Variants in ADAMTS16 observed in about 807,000 individuals in gnomAD.
ADAMTS16 encodes ADAM metallopeptidase with thrombospondin type 1 motif 16, also known as A disintegrin and metalloproteinase with thrombospondin motifs 16.
In ADAMTS16, 94 loss-of-function variants were observed where a neutral mutation model predicts 145.8. The observed-to-expected ratio is 0.64, with a 90% CI of 0.55 to 0.77. ADAMTS16 has a LOEUF of 0.77. Among genes scored for constraint, ADAMTS16 ranks in the 30% least tolerant of loss-of-function variants. The probability of loss-of-function intolerance (pLI) is 0.00; values close to 1 mark genes in which losing one functional copy is unlikely to be tolerated. For synonymous variants in ADAMTS16, 659 were observed against 604.3 expected, an observed-to-expected ratio of 1.09 and a Z score of -1.33; for missense variants, 1,585 against 1,591.5, an observed-to-expected ratio of 1.00 and a Z score of 0.07.
chr5:5,240,683 A>ATCCTCT (rs1477425886), intron 16 of ADAMTS16, among the ~76,000 whole-genome samples: 1 of 152,070 alleles, frequency 6.6e-6, no homozygotes, highest in Non-Finnish European at 1.5e-5. Context: ...GCCCTATCCC[A>ATCCTCT]TCCTCTTGCG....
At chr5:5,299,939 A>G (rs1447944744) in intron 18 of ADAMTS16, among the ~76,000 whole-genome samples, 1 of 152,244 alleles carries the variant, frequency 6.6e-6, no homozygotes, top group Non-Finnish European at 1.5e-5. Context: ...TGACTCATTC[A>G]TGAGCTGAAA....
rs1309464132 is a variant in ADAMTS16 at position 5,317,696 on chromosome 5, C to A, written c.3412-438C>A. Among the ~76,000 whole-genome samples the A allele has an allele frequency of 2.6e-5, 4 of 152,178 alleles. No homozygotes were observed. Among genetic ancestry groups the A allele is most frequent in the Non-Finnish European group, 5.9e-5 (4 of 68,046 alleles). On this transcript the variant is annotated intron_variant, in intron 21 of 22. Coordinates refer to ENST00000274181, the MANE Select transcript of ADAMTS16 (RefSeq NM_139056.4). The surrounding 1 kb of genome is among the most constrained non-coding windows in gnomAD (Gnocchi z 4.5). ...TACAGGCATGAGCCACCGTGCCCGG[C>A]AGTATATTTACTTTTTTAAAAAGTG...
intron 9 of ADAMTS16, among the ~76,000 whole-genome samples, chr5:5,205,088 A>G (rs1736058928): frequency 7.0e-6 from 1 of 143,870 alleles, no homozygotes; most frequent in South Asian, 2.3e-4. Context: ...AAAAAAATAG[A>G]CCCTGTTTTT....
chr5:5,285,525 T>C (rs28717705), intron 18 of ADAMTS16, among the ~76,000 whole-genome samples: 36,990 of 152,258 alleles, frequency 0.24, 4,714 homozygotes, highest in Middle Eastern at 0.33. Flanking sequence ...TCTGCACCTG[T>C]TTATTAATCT....
intron 3 of ADAMTS16, among the ~76,000 whole-genome samples, chr5:5,167,518 C>T (rs1384407794): frequency 6.6e-6 from 1 of 152,176 alleles, no homozygotes; most frequent in Non-Finnish European, 1.5e-5. Context: ...GTTTTTGTGT[C>T]AACCAAAGCA....
At chr5:5,161,230 G>A (rs2126526904) in intron 3 of ADAMTS16, among the ~76,000 whole-genome samples, 1 of 152,266 alleles carries the variant, frequency 6.6e-6, no homozygotes, top group South Asian at 2.1e-4. Flanking sequence ...GATTCATCCT[G>A]TTATTTGGCA....
At chr5:5,212,772 T>G (rs1246856845) in intron 10 of ADAMTS16, among the ~76,000 whole-genome samples, 1 of 152,244 alleles carries the variant, frequency 6.6e-6, no homozygotes, top group Non-Finnish European at 1.5e-5. Context: ...GTTTAGTCTA[T>G]TTATATTGAA....
At chr5:5,236,827 A>C (rs1737123847) in intron 13 of ADAMTS16, 142 bp from the exon 14 acceptor site, 2 of 1,092,014 alleles carry the variant, frequency 1.8e-6, no homozygotes, top group South Asian at 4.0e-5. Flanking sequence ...TGAGGCAACC[A>C]TTAAAAATGC....
chr5:5,191,607 A>T (rs1268015952), intron 7 of ADAMTS16, 78 bp from the exon 8 acceptor site: 1 of 1,191,188 alleles, frequency 8.4e-7, no homozygotes, highest in Admixed American at 1.9e-5. Flanking sequence ...AATTTCACTA[A>T]GGGGTAGAAA....
intron 18 of ADAMTS16, among the ~76,000 whole-genome samples, chr5:5,301,324 C>A (rs1020380346): frequency 1.3e-5 from 2 of 152,186 alleles, no homozygotes; most frequent in African/African-American, 4.8e-5. Context: ...GCTTATTCCT[C>A]CTGCCTCAGC....
chr5:5,169,255 T>A (rs1414116874), intron 3 of ADAMTS16, among the ~76,000 whole-genome samples: 2 of 152,212 alleles, frequency 1.3e-5, no homozygotes, highest in East Asian at 3.9e-4. Context: ...GCAACATTTC[T>A]TGTTTCAACG....
chr5:5,200,983 C>G (rs1265768793), intron 9 of ADAMTS16, among the ~76,000 whole-genome samples: 1 of 152,142 alleles, frequency 6.6e-6, no homozygotes, highest in East Asian at 1.9e-4. Flanking sequence ...TGCTTGTTCC[C>G]TAAATCTCTT....
intron 13 of ADAMTS16, 83 bp downstream of exon 13, chr5:5,235,269 T>G: frequency 1.5e-6 from 2 of 1,335,192 alleles, no homozygotes; most frequent in Non-Finnish European, 2.0e-6. Context: ...GAGAGTGTGG[T>G]GCACAAATAA....
At chr5:5,154,298 G>A (rs372135282) in intron 3 of ADAMTS16, among the ~76,000 whole-genome samples, 7 of 152,258 alleles carry the variant, frequency 4.6e-5, no homozygotes, top group Admixed American at 2.0e-4. Flanking sequence ...GATAAAGAAC[G>A]GCCAAAGCTG....
At chr5:5,221,379 G>A (rs1312041480) in intron 10 of ADAMTS16, among the ~76,000 whole-genome samples, 3 of 152,076 alleles carry the variant, frequency 2.0e-5, no homozygotes, top group Admixed American at 6.6e-5. Context: ...CTTCATGGGA[G>A]CAGCCATAGG....
At position 5,186,301 on chromosome 5, in the gene ADAMTS16, G is replaced by GGT. The variant is rs1553989063; in HGVS notation, c.963+83_963+84dup. The stretch of plus-strand genomic sequence containing the variant: ...CCACCTGTGTCATTGCACTTCGTAG[G>GGT]GTGTGTGTGTGTGTGTGTGTGTGTG... On this transcript the variant is annotated intron_variant, in intron 5 of 22. Transcript: ENST00000274181. 8.0e-3 allele frequency: 7,863 copies of GGT among 984,286 alleles called. 14 individuals carry two copies. Among genetic ancestry groups the GGT allele is most frequent in the African/African-American group, 0.022 (1,264 of 57,730 alleles). The allele number at this position is 984,286 out of a possible 1,614,324, so 61.0% of individuals were successfully genotyped here.
chr5:5,216,304 C>A (rs568674863), intron 10 of ADAMTS16, among the ~76,000 whole-genome samples: 1 of 151,834 alleles, frequency 6.6e-6, no homozygotes, highest in African/African-American at 2.4e-5. Context: ...TGATGTTGAG[C>A]AGTTTTTCAT....
At chr5:5,218,947 C>T (rs887766845) in intron 10 of ADAMTS16, among the ~76,000 whole-genome samples, 3 of 152,188 alleles carry the variant, frequency 2.0e-5, no homozygotes, top group Non-Finnish European at 4.4e-5. Context: ...CCACGTTCAG[C>T]CACTGTGTGT....
At chr5:5,164,162 G>A (rs953858592) in intron 3 of ADAMTS16, among the ~76,000 whole-genome samples, 2 of 152,160 alleles carry the variant, frequency 1.3e-5, no homozygotes, top group African/African-American at 4.8e-5. Context: ...CGTTTTCAGC[G>A]CAGATACATT....
Sources: allele counts gnomAD v4.1 joint callset (sites outside exome capture counted in the v4.1 genomes callset), GRCh38; gene constraint gnomAD v4.1.1; non-coding constraint Gnocchi (gnomAD v3.1); transcripts MANE v1.5; gene names NCBI Gene and HGNC (gene_info 2026-07-23, HGNC 2026-07-21).